The following TBC1D8 variants were observed in gnomAD, a reference collection of about 807,000 sequenced individuals.
TBC1D8 encodes the protein TBC1 domain family member 8, also known as BUB2-like protein 1.
A neutral mutation model predicts 118.8 loss-of-function variants in TBC1D8; 65 were observed. That is an observed-to-expected ratio of 0.55 (90% CI 0.45 to 0.67). The LOEUF is 0.67. Among genes scored for constraint, TBC1D8 ranks in the 30% least tolerant of loss-of-function variants. The pLI is 0.00. For synonymous variants in TBC1D8, 566 were observed against 595.8 expected (o/e 0.95, Z 0.73); for missense variants, 1,376 against 1,471.2 (o/e 0.94, Z 1.06).
chr2:101,098,862 AGT>A (rs1190832493), intron 1 of TBC1D8, among the ~76,000 whole-genome samples: 1 of 152,198 alleles, frequency 6.6e-6, no homozygotes, highest in Non-Finnish European at 1.5e-5. Context: ...CAGCTAAAGC[AGT>A]GTTAAGAGGG....
At chr2:101,049,927 C>T (rs1224951935) in intron 5 of TBC1D8, among the ~76,000 whole-genome samples, 3 of 149,534 alleles carry the variant, frequency 2.0e-5, no homozygotes, top group Admixed American at 6.7e-5. Flanking sequence ...CCCGGGTTCA[C>T]GCCATTCTCC....
chr2:101,076,244 C>G (rs908649562), intron 2 of TBC1D8, among the ~76,000 whole-genome samples: 25 of 152,052 alleles, frequency 1.6e-4, no homozygotes, highest in African/African-American at 6.0e-4. Context: ...AAGGAATGAT[C>G]AAATTAGAAA....
chr2:101,015,799 C>A (rs1346504404), intron 17 of TBC1D8, among the ~76,000 whole-genome samples: 1 of 152,058 alleles, frequency 6.6e-6, no homozygotes, highest in African/African-American at 2.4e-5. Context: ...CTTTGACAAA[C>A]CTGAGAAAAA....
At chr2:101,134,012 A>G (rs1177992779) in intron 1 of TBC1D8, among the ~76,000 whole-genome samples, 2 of 152,168 alleles carry the variant, frequency 1.3e-5, no homozygotes, top group Non-Finnish European at 2.9e-5. Context: ...AACCACCCCC[A>G]TGATCCAATC....
intron 10 of TBC1D8, 128 bp from the exon 11 acceptor site, chr2:101,032,513 A>G (rs1680731753): frequency 4.3e-6 from 3 of 702,744 alleles, no homozygotes; most frequent in African/African-American, 1.7e-5. Flanking sequence ...GCATACACCA[A>G]CCACACTGAC....
intron 2 of TBC1D8, 47 bp from the exon 3 acceptor site, chr2:101,059,586 A>C: frequency 7.0e-7 from 1 of 1,429,208 alleles, no homozygotes; most frequent in Non-Finnish European, 9.8e-7. Flanking sequence ...ATGCAATAGA[A>C]GTAATTCCTA....
At chr2:101,068,517 C>T (rs1558670871) in intron 2 of TBC1D8, 2 of 451,428 alleles carry the variant, frequency 4.4e-6, no homozygotes, top group Non-Finnish European at 8.0e-6. Context: ...GAAGATGGAA[C>T]CACAGTGGTG....
chr2:101,097,544 A>G (rs1676544517), intron 1 of TBC1D8, among the ~76,000 whole-genome samples: 1 of 139,486 alleles, frequency 7.2e-6, no homozygotes, highest in Admixed American at 7.8e-5. Flanking sequence ...AGACTTGGAA[A>G]TACTCTGTTA....
intron 1 of TBC1D8, among the ~76,000 whole-genome samples, chr2:101,147,219 T>A (rs1267939463): frequency 2.0e-5 from 3 of 152,186 alleles, no homozygotes; most frequent in Non-Finnish European, 4.4e-5. Flanking sequence ...TTATCTCTTG[T>A]TGGACACTTA....
intron 3 of TBC1D8, 103 bp from the exon 4 acceptor site, chr2:101,054,439 A>T: frequency 8.5e-7 from 1 of 1,177,702 alleles, no homozygotes. Context: ...CAGGCCCCCG[A>T]GAAGTGTGCG....
At chr2:101,028,202 A>G in intron 13 of TBC1D8, 56 bp from the exon 14 acceptor site, 2 of 1,607,884 alleles carry the variant, frequency 1.2e-6, no homozygotes, top group East Asian at 4.5e-5. Flanking sequence ...AAGTGTGGAA[A>G]CAGGAAGTGG....
chr2:101,007,234 CAA>C lies in TBC1D8; in HGVS notation c.*585_*586del, dbSNP rs959270159. 1 of 152,284 alleles carries C rather than the reference CAA, an allele frequency of 6.6e-6. No homozygotes were observed. The highest frequency in any genetic ancestry group is 6.5e-5 in the Admixed American group (1 of 15,292). 9.4% of individuals were successfully genotyped at this position (152,284 alleles called of 1,614,324 possible). A position where few individuals can be genotyped will look rare whatever the true frequency, so the allele number is the denominator to read the frequency against. On this transcript the variant is annotated 3_prime_UTR_variant, in exon 20 of 20. Coordinates refer to ENST00000409318, the MANE Select transcript of TBC1D8 (RefSeq NM_001330348.2). ...GTAAAAGAAAAGGACCAAGTAAATA[CAA>C]AAAGTTTCTTATTAAAAAACTTGGA...
At chr2:101,034,541 A>C (rs1458682495) in intron 9 of TBC1D8, among the ~76,000 whole-genome samples, 4 of 152,236 alleles carry the variant, frequency 2.6e-5, no homozygotes, top group African/African-American at 7.2e-5. Flanking sequence ...AGCCAGAGCT[A>C]CAGCCCAGGC....
Position 101,090,277 on chromosome 2 carries a change from T to G in TBC1D8, c.215A>C (p.Gln72Pro). 6.2e-7 allele frequency: 1 copy of G among 1,613,960 alleles called. No homozygotes were observed. The highest frequency in any genetic ancestry group is 8.5e-7 in the Non-Finnish European group (1 of 1,179,870). The change falls in exon 2 of 20, where the codon CAG (glutamine) becomes CCG (proline). Residue 72 changes from glutamine (Q) to proline (P), a missense_variant. Transcript: ENST00000409318. ...ACCACATGCTATGGGAGAATAAACCTGGGAGCCGGGAACTTGAAGCAGAAT... is the reference window on the plus strand; with the variant it reads ...ACCACATGCTATGGGAGAATAAACCGGGGAGCCGGGAACTTGAAGCAGAAT... ...FRILLQVPGSQVYSPIACGEL... is the reference protein window; with the variant it reads ...FRILLQVPGSPVYSPIACGEL...
In TBC1D8 at chr2:101,033,663, G is replaced by A. The variant is rs199967625; in HGVS notation, c.1699C>T (p.Arg567Ter). The change falls in exon 10 of 20, where the codon CGA becomes TGA. Residue 567 changes from arginine to a stop codon, truncating the protein, a stop_gained. Coordinates refer to ENST00000409318, the MANE Select transcript of TBC1D8 (RefSeq NM_001330348.2). LOFTEE classifies it high-confidence loss of function. ...KCCLVTEEIE[R>*]DLHRSLPEHP... ...TCTGGCAGGGAGCGGTGCAGGTCTC[G>A]TTCTATCTCCTCGGTTACCAGGCAG... is the stretch of plus-strand genomic sequence containing the variant. The A allele has an allele frequency of 5.6e-6, 9 of 1,613,878 alleles. No homozygotes were observed. Among genetic ancestry groups the A allele is most frequent in the East Asian group, 2.2e-5 (1 of 44,858 alleles).
chr2:101,124,328 A>C (rs1678261195), intron 1 of TBC1D8, among the ~76,000 whole-genome samples: 1 of 152,236 alleles, frequency 6.6e-6, no homozygotes, highest in South Asian at 2.1e-4. Flanking sequence ...TGGGTGACTA[A>C]GACAAGCTCA....
chr2:101,010,077 C>T (rs1026095297), intron 19 of TBC1D8, among the ~76,000 whole-genome samples: 4 of 152,124 alleles, frequency 2.6e-5, no homozygotes, highest in Middle Eastern at 3.4e-3. Flanking sequence ...CCACCCGCCT[C>T]GGCCTCCCAA....
chr2:101,099,484 G>A (rs1031659559), intron 1 of TBC1D8, among the ~76,000 whole-genome samples: 1 of 152,156 alleles, frequency 6.6e-6, no homozygotes, highest in African/African-American at 2.4e-5. Context: ...AATTGAAAAG[G>A]AGGGACTCCT....
chr2:101,012,734 G>T (rs1558617613), intron 17 of TBC1D8, among the ~76,000 whole-genome samples: 1 of 152,154 alleles, frequency 6.6e-6, no homozygotes, highest in African/African-American at 2.4e-5. Context: ...GGGGATGACA[G>T]GGAAGGTTCC....
Sources: allele counts gnomAD v4.1 joint callset (sites outside exome capture counted in the v4.1 genomes callset), GRCh38; gene constraint gnomAD v4.1.1; transcripts MANE v1.5; gene names NCBI Gene and HGNC (gene_info 2026-07-23, HGNC 2026-07-21).